The following ZNF536 variants were observed in gnomAD, a reference collection of about 807,000 sequenced individuals.
The protein encoded by ZNF536 is zinc finger protein 536.
Under a neutral mutation model 84.5 loss-of-function variants are expected in ZNF536, and 13 were observed. The ratio of observed to expected loss-of-function variants is 0.15; its 90% CI spans 0.10 to 0.24. The LOEUF is 0.24. ZNF536 is among the 10% of genes least tolerant of loss of function. ZNF536 has a pLI of 1.00. For synonymous variants in ZNF536, 811 were observed against 742.5 expected (o/e 1.09, Z -1.50); for missense variants, 1,536 against 1,747.5 (o/e 0.88, Z 2.16).
At chr19:30,497,296 T>G (rs908484702) in intron 2 of ZNF536, among the ~76,000 whole-genome samples, 19 of 152,310 alleles carry the variant, frequency 1.2e-4, no homozygotes, top group African/African-American at 4.3e-4. Context: ...CATTTACATT[T>G]TATCACAACA....
rs73927010 is a variant in ZNF536, at chr19:30,309,321, G to A, written c.-120+25180G>A. Among the ~76,000 whole-genome samples, 587 of 152,310 alleles carry A rather than the reference G, an allele frequency of 3.9e-3. 4 individuals are homozygous for A. The highest frequency in any genetic ancestry group is 0.014 in the African/African-American group (565 of 41,560). ...CAAGAGATAACTGGTTATCTAACTGGTATCCCGGGGGCCAGTGTGGACTCG... is the reference window on the plus strand; with the variant it reads ...CAAGAGATAACTGGTTATCTAACTGATATCCCGGGGGCCAGTGTGGACTCG... On this transcript the variant is annotated intron_variant, in intron 2 of 5. Coordinates refer to the ZNF536 transcript ENST00000585628.
At chr19:30,446,841 A>ACAC (rs150427729) in intron 2 of ZNF536, among the ~76,000 whole-genome samples, 76 of 147,066 alleles carry the variant, frequency 5.2e-4, no homozygotes, top group African/African-American at 1.1e-3. Context: ...AACAACAACA[A>ACAC]AACACGCTAG....
intron 1 of ZNF536, among the ~76,000 whole-genome samples, chr19:30,641,739 A>G (rs1484385602): frequency 6.6e-6 from 1 of 152,166 alleles, no homozygotes; most frequent in East Asian, 1.9e-4. Flanking sequence ...TAAACCTCAG[A>G]TTTACTCCTC....
rs116431833 is a variant in ZNF536, at chr19:30,626,292, T to A, written c.169+76778T>A. 7.9e-3 allele frequency among the ~76,000 whole-genome samples: 1,199 copies of A among 152,300 alleles called. 18 individuals carry two copies. Among genetic ancestry groups the A allele is most frequent in the African/African-American group, 0.027 (1,119 of 41,564 alleles). On this transcript the variant is annotated intron_variant, in intron 1 of 1. Transcript: ENST00000592773. ...TTAAGTGTCATAAAAATTTAGCAAT[T>A]TTTTCCCCTTCCTAATTATCTTCTA...
intron 2 of ZNF536, among the ~76,000 whole-genome samples, chr19:30,520,236 T>C (rs925576166): frequency 2.0e-5 from 3 of 152,188 alleles, no homozygotes; most frequent in African/African-American, 7.2e-5. Flanking sequence ...CCCAAGTTCC[T>C]GAAGCTCTTA....
intron 1 of ZNF536, among the ~76,000 whole-genome samples, chr19:30,707,347 A>G (rs934749013): frequency 6.6e-6 from 1 of 152,070 alleles, no homozygotes; most frequent in Non-Finnish European, 1.5e-5. Context: ...ATTTTTTTGT[A>G]TAATCGAAAA....
intron 2 of ZNF536, among the ~76,000 whole-genome samples, chr19:30,514,551 C>A (rs2055554610): frequency 6.6e-6 from 1 of 151,958 alleles, no homozygotes; most frequent in East Asian, 1.9e-4. Context: ...GACCCAGTGT[C>A]CCAACCTGCA....
chr19:30,539,027 G>A (rs375283280), intron 3 of ZNF536, among the ~76,000 whole-genome samples: 1 of 151,614 alleles, frequency 6.6e-6, no homozygotes, highest in Admixed American at 6.6e-5. Context: ...GGGCCACATA[G>A]TGAGACCCCA....
chr19:30,234,397 C>CTTTTTTTTTTT (rs5827694), intron 1 of ZNF536, among the ~76,000 whole-genome samples: 1 of 82,394 alleles, frequency 1.2e-5, no homozygotes, highest in African/African-American at 5.1e-5. Flanking sequence ...AGGCTCCTTC[C>CTTTTTTTTTTT]TTTTTTTTTT....
intron 2 of ZNF536, among the ~76,000 whole-genome samples, chr19:30,467,406 GCCT>G (rs1282411419): frequency 1.3e-5 from 2 of 152,136 alleles, no homozygotes; most frequent in Non-Finnish European, 2.9e-5. Flanking sequence ...GCTTAGCATG[GCCT>G]CCTCAAGATT....
chr19:30,639,873 G>A (rs1172093057), intron 1 of ZNF536, among the ~76,000 whole-genome samples: 1 of 152,084 alleles, frequency 6.6e-6, no homozygotes, highest in African/African-American at 2.4e-5. Context: ...AGCATTCTGT[G>A]CTCCTTCCTT....
At chr19:30,473,591 G>T (rs1035352112) in intron 2 of ZNF536, among the ~76,000 whole-genome samples, 1 of 152,154 alleles carries the variant, frequency 6.6e-6, no homozygotes, top group Admixed American at 6.5e-5. Context: ...TGGACAGGCT[G>T]GCACCCATCC....
chr19:30,656,940 C>T (rs1467963211), intron 1 of ZNF536, among the ~76,000 whole-genome samples: 1 of 152,190 alleles, frequency 6.6e-6, no homozygotes, highest in African/African-American at 2.4e-5. Flanking sequence ...CTTTAGTTAT[C>T]TCCTTCACAA....
intron 1 of ZNF536, among the ~76,000 whole-genome samples, chr19:30,690,011 C>G (rs144020591): frequency 6.6e-6 from 1 of 152,158 alleles, no homozygotes; most frequent in Non-Finnish European, 1.5e-5. Context: ...CCACCCTGCC[C>G]CCTGATTCAG....
upstream of ZNF536, among the ~76,000 whole-genome samples, chr19:30,368,058 T>C (rs10439127): frequency 0.22 from 33,667 of 152,116 alleles, 4,426 homozygotes; most frequent in Non-Finnish European, 0.3. Flanking sequence ...TTTGAGCCAC[T>C]GAAGGGCAGA....
chr19:30,415,284 C>CCTCCTTCTTCTTCTTCTTCTT (rs1555750650), intron 1 of ZNF536, among the ~76,000 whole-genome samples: 122 of 120,176 alleles, frequency 1.0e-3, no homozygotes, highest in Non-Finnish European at 1.7e-3. Flanking sequence ...TCCTCCTCCT[C>CCTCCTTCTTCTTCTTCTTCTT]CTTCTTCTTC....
chr19:30,664,771 G>T (rs550508255), intron 1 of ZNF536, among the ~76,000 whole-genome samples: 2 of 152,284 alleles, frequency 1.3e-5, no homozygotes, highest in African/African-American at 4.8e-5. Flanking sequence ...AGTGTGGCTG[G>T]CATCAAAGAG....
intron 1 of ZNF536, among the ~76,000 whole-genome samples, chr19:30,271,277 T>G (rs932743653): frequency 4.7e-5 from 7 of 148,690 alleles, no homozygotes; most frequent in African/African-American, 1.8e-4. Context: ...TTCTGGAAGC[T>G]TTCCCTGTGT....
chr19:30,622,958 T>C (rs112098584), intron 1 of ZNF536, among the ~76,000 whole-genome samples: 2 of 151,218 alleles, frequency 1.3e-5, no homozygotes, highest in Non-Finnish European at 2.9e-5. Flanking sequence ...TTTTTTTTTT[T>C]CTTTTATCTC....
Sources: gnomAD v4.1 joint callset for allele counts (sites outside exome capture counted in the v4.1 genomes callset) on GRCh38, gnomAD v4.1.1 for gene constraint, MANE v1.5 for transcripts, NCBI Gene and HGNC (gene_info 2026-07-23, HGNC 2026-07-21) for gene names.